The following ABLIM2 variants were observed in gnomAD, a reference collection of about 807,000 sequenced individuals.
The protein encoded by ABLIM2 is actin-binding LIM protein 2.
Under a neutral mutation model 97.7 loss-of-function variants are expected in ABLIM2, and 53 were observed. The ratio of observed to expected loss-of-function variants is 0.54; its 90% CI spans 0.44 to 0.68. ABLIM2 has a LOEUF of 0.68. Among genes scored for constraint, ABLIM2 ranks in the 30% least tolerant of loss-of-function variants. The probability of loss-of-function intolerance (pLI) is 0.00; values close to 1 mark genes in which losing one functional copy is unlikely to be tolerated. For synonymous variants in ABLIM2, 361 were observed against 345.8 expected, an observed-to-expected ratio of 1.04 and a Z score of -0.49; for missense variants, 835 against 867.2, an observed-to-expected ratio of 0.96 and a Z score of 0.47.
At chr4:8,060,726 G>C (rs566883721) in intron 7 of ABLIM2, among the ~76,000 whole-genome samples, 1 of 152,132 alleles carries the variant, frequency 6.6e-6, no homozygotes, top group Non-Finnish European at 1.5e-5. Context: ...TCTTTGGCTC[G>C]GCCCTTTTCC....
chr4:8,051,384 T>C (rs376505159), intron 8 of ABLIM2, among the ~76,000 whole-genome samples: 10 of 147,678 alleles, frequency 6.8e-5, no homozygotes, highest in African/African-American at 2.5e-4. Flanking sequence ...CTGTCTCTAC[T>C]AAAAAAAAAA....
At position 8,083,548 on chromosome 4, in the gene ABLIM2, C is replaced by T. The variant is rs1413101942; in HGVS notation, c.455-2746G>A. Reference sequence around the variant, plus strand: ...AGAGGGGATGTGAACCTCACACCTGCCTCGGCCCCCTCATTCTCCTATCAG... The same window carrying T: ...AGAGGGGATGTGAACCTCACACCTGTCTCGGCCCCCTCATTCTCCTATCAG... On this transcript the variant is annotated intron_variant, in intron 4 of 20. Coordinates refer to ENST00000447017, the MANE Select transcript of ABLIM2 (RefSeq NM_001130083.2). The surrounding 1 kb of genome is among the most constrained non-coding windows in gnomAD (Gnocchi z 4.6). 6.6e-6 allele frequency among the ~76,000 whole-genome samples: 1 copy of T among 152,252 alleles called. No homozygotes were observed. The highest frequency in any genetic ancestry group is 1.5e-5 in the Non-Finnish European group (1 of 68,042).
chr4:7,972,498 G>T (rs946956983), intron 20 of ABLIM2, among the ~76,000 whole-genome samples: 2 of 152,212 alleles, frequency 1.3e-5, no homozygotes, highest in Non-Finnish European at 2.9e-5. Flanking sequence ...GCACCATGAG[G>T]GTGGGCACAG....
In ABLIM2 at chr4:8,054,277, T is replaced by G; in HGVS notation, c.764-31A>C. The G allele has an allele frequency of 6.2e-7, 1 of 1,612,222 alleles. No individual in the cohort carries two copies. Among genetic ancestry groups the G allele is most frequent in the South Asian group, 1.1e-5 (1 of 90,964 alleles). ...GACAAATTCCCAAGAGGGAAATGAT[T>G]AGAGTTATTTCCCATGTTGCAGGGG... is the stretch of plus-strand genomic sequence containing the variant. On this transcript the variant is annotated intron_variant, in intron 7 of 20. Coordinates refer to ENST00000447017, the MANE Select transcript of ABLIM2 (RefSeq NM_001130083.2). The surrounding 1 kb of genome is among the most constrained non-coding windows in gnomAD (Gnocchi z 4.9).
At position 8,080,675 on chromosome 4, in the gene ABLIM2, C is replaced by T; in HGVS notation, c.581+1G>A. On this transcript the variant is annotated splice_donor_variant, in intron 5 of 20. Transcript: ENST00000447017. LOFTEE classifies it high-confidence loss of function. ...CTCACTAGAGCCCTCCCCCCACTTA[C>T]TTGCTGATGTACTCGGCATTCAGGA... is the stretch of plus-strand genomic sequence containing the variant. The T allele has an allele frequency of 6.2e-7, 1 of 1,601,994 alleles. No homozygotes were observed. The highest frequency in any genetic ancestry group is 8.5e-7 in the Non-Finnish European group (1 of 1,171,932).
intron 10 of ABLIM2, among the ~76,000 whole-genome samples, chr4:8,031,872 T>G (rs1205690603): frequency 1.3e-5 from 2 of 152,052 alleles, no homozygotes; most frequent in Non-Finnish European, 2.9e-5. Flanking sequence ...TACAGGTGTG[T>G]GTCACCCATG....
chr4:8,158,551 CA>C, intron 1 of ABLIM2, 128 bp downstream of exon 1: 2 of 1,226,492 alleles, frequency 1.6e-6, no homozygotes. Context: ...AATCCTGGAG[CA>C]AAAGTTGGGT....
chr4:7,992,771 TCTC>T lies in ABLIM2; in HGVS notation c.1680+92_1680+94del, dbSNP rs897747885. On this transcript the variant is annotated intron_variant, in intron 17 of 20. Coordinates refer to ENST00000447017, the MANE Select transcript of ABLIM2 (RefSeq NM_001130083.2). This position sits in a 1 kb window ranked among gnomAD's most constrained non-coding sequence, Gnocchi z 5.7. ...GGTGGGCCGCGGGGTCCCCGGGGCC[TCTC>T]CTCCTGCTGTGTGGTCAAGAAGCTG... is the stretch of plus-strand genomic sequence containing the variant. 5.1e-5 allele frequency: 72 copies of T among 1,422,712 alleles called. No homozygotes were observed. The highest frequency in any genetic ancestry group is 7.0e-5 in the Non-Finnish European group (72 of 1,029,582). 88.1% of individuals were successfully genotyped at this position (1,422,712 alleles called of 1,614,324 possible).
intron 3 of ABLIM2, 61 bp from the exon 4 acceptor site, chr4:8,088,345 CTGT>C: frequency 7.3e-7 from 1 of 1,363,206 alleles, no homozygotes; most frequent in Non-Finnish European, 1.0e-6. Context: ...TGGGGGAGCC[CTGT>C]CCCAGTGCAG....
rs1812552075 is a variant in ABLIM2 at position 8,072,009 on chromosome 4, C to G, written c.675+5619G>C. ...TCTGCGGAGCCAGGCTTGTCCCCGC[C>G]CGCAGTTCCCACCTTGCACCCGGGG... On this transcript the variant is annotated intron_variant, in intron 6 of 20. Transcript: ENST00000447017. This position sits in a 1 kb window ranked among gnomAD's most constrained non-coding sequence, Gnocchi z 5.8. 1.0e-6 allele frequency: 1 copy of G among 985,360 alleles called. No individual in the cohort carries two copies. The highest frequency in any genetic ancestry group is 1.2e-6 in the Non-Finnish European group (1 of 829,994). 61.0% of individuals were successfully genotyped at this position (985,360 alleles called of 1,614,324 possible). A position where few individuals can be genotyped will look rare whatever the true frequency, so the allele number is the denominator to read the frequency against.
chr4:8,051,137 C>T (rs1579844344), intron 8 of ABLIM2, among the ~76,000 whole-genome samples: 2 of 152,364 alleles, frequency 1.3e-5, no homozygotes, highest in South Asian at 2.1e-4. Flanking sequence ...CAGTAGGGGT[C>T]AGAACCCGGG....
chr4:8,142,942 G>A (rs930469832), intron 1 of ABLIM2, among the ~76,000 whole-genome samples: 2 of 152,164 alleles, frequency 1.3e-5, no homozygotes, highest in Non-Finnish European at 2.9e-5. Flanking sequence ...AATGAGAGAG[G>A]AGGCACAGGG....
At position 8,046,989 on chromosome 4, in the gene ABLIM2, C is replaced by T. The variant is rs535815523; in HGVS notation, c.823-1748G>A. ...TTTCTGCTGTGCAGGCCACCCAGGCCGGGTGCCTTTATCGGGGAAGCCCCA... is the reference window on the plus strand; with the variant it reads ...TTTCTGCTGTGCAGGCCACCCAGGCTGGGTGCCTTTATCGGGGAAGCCCCA... On this transcript the variant is annotated intron_variant, in intron 8 of 20. Transcript: ENST00000447017. The surrounding 1 kb of genome is among the most constrained non-coding windows in gnomAD (Gnocchi z 4.4). 3.9e-5 allele frequency among the ~76,000 whole-genome samples: 6 copies of T among 152,306 alleles called. No individual in the cohort carries two copies. Among genetic ancestry groups the T allele is most frequent in the East Asian group, 3.9e-4 (2 of 5,186 alleles).
chr4:8,008,694 A>G (rs1178309604), intron 15 of ABLIM2, among the ~76,000 whole-genome samples: 1 of 152,226 alleles, frequency 6.6e-6, no homozygotes, highest in African/African-American at 2.4e-5. Context: ...TCAGCCCACA[A>G]AGCCAAAAGT....
At chr4:8,084,224 C>T (rs1821786299) in intron 4 of ABLIM2, among the ~76,000 whole-genome samples, 1 of 152,196 alleles carries the variant, frequency 6.6e-6, no homozygotes, top group Admixed American at 6.5e-5. Context: ...AGTTCGGCCC[C>T]AGCGCACTGC....
At chr4:8,094,387 A>G (rs925412564) in intron 3 of ABLIM2, among the ~76,000 whole-genome samples, 6 of 152,088 alleles carry the variant, frequency 3.9e-5, no homozygotes, top group African/African-American at 1.4e-4. Flanking sequence ...CTTCGGCAAG[A>G]CTCACGTCTC....
intron 3 of ABLIM2, among the ~76,000 whole-genome samples, chr4:8,090,142 G>T (rs915115621): frequency 1.3e-5 from 2 of 152,218 alleles, no homozygotes; most frequent in Admixed American, 1.3e-4. Context: ...CTGCCCAGGA[G>T]CCTGCACGGC....
chr4:8,015,062 A>G lies in ABLIM2; in HGVS notation c.1423+4556T>C, dbSNP rs1012918750. ...CAGCCTCCCGAGTAGCTGGGATTAC[A>G]GGCGCCGGCCACCACACTTGGCTAA... On this transcript the variant is annotated intron_variant, in intron 14 of 20. Coordinates refer to ENST00000447017, the MANE Select transcript of ABLIM2 (RefSeq NM_001130083.2). This position sits in a 1 kb window ranked among gnomAD's most constrained non-coding sequence, Gnocchi z 4.6. 2.0e-5 allele frequency among the ~76,000 whole-genome samples: 3 copies of G among 152,032 alleles called. No individual in the cohort carries two copies. The highest frequency in any genetic ancestry group is 2.0e-4 in the Admixed American group (3 of 15,264).
chr4:8,078,883 G>T (rs374282548), intron 5 of ABLIM2, among the ~76,000 whole-genome samples: 2 of 152,242 alleles, frequency 1.3e-5, no homozygotes, highest in African/African-American at 4.8e-5. Flanking sequence ...ACAGAGCGAG[G>T]TACCTGCCAC....
Sources: gnomAD v4.1 joint callset for allele counts (sites outside exome capture counted in the v4.1 genomes callset) on GRCh38, gnomAD v4.1.1 for gene constraint, Gnocchi (gnomAD v3.1) non-coding constraint, MANE v1.5 for transcripts, NCBI Gene and HGNC (gene_info 2026-07-23, HGNC 2026-07-21) for gene names.